The following SPG11 variants were observed in gnomAD, a reference collection of about 807,000 sequenced individuals.
SPG11 encodes SPG11 vesicle trafficking associated, spatacsin.
Under a neutral mutation model 274.0 loss-of-function variants are expected in SPG11, and 222 were observed. The ratio of observed to expected loss-of-function variants is 0.81; its 90% CI spans 0.73 to 0.91. The LOEUF is 0.91. SPG11 is among the 40% of genes least tolerant of loss of function. SPG11 has a pLI of 0.00. For missense variants in SPG11, 3,114 were observed against 2,872.7 expected (o/e 1.08, Z -1.92); for synonymous variants, 1,144 against 1,039.7 (o/e 1.10, Z -1.93).
intron 6 of SPG11, among the ~76,000 whole-genome samples, chr15:44,649,717 C>T (rs984575034): frequency 6.6e-6 from 1 of 151,904 alleles, no homozygotes; most frequent in Non-Finnish European, 1.5e-5. Flanking sequence ...CATGATGAAA[C>T]CCCGTCTCTA....
intron 7 of SPG11, among the ~76,000 whole-genome samples, chr15:44,639,320 CAG>C (rs747538002): frequency 6.6e-6 from 1 of 151,250 alleles, no homozygotes; most frequent in Non-Finnish European, 1.5e-5. Context: ...GATGGAGAGA[CAG>C]AGAGAGAGCG....
intron 30 of SPG11, among the ~76,000 whole-genome samples, chr15:44,582,068 T>C (rs1299365092): frequency 6.6e-6 from 1 of 152,156 alleles, no homozygotes; most frequent in East Asian, 1.9e-4. Context: ...GTTTAAGAAA[T>C]TGAATTTGTG....
chr15:44,565,948 A>C lies in SPG11; in HGVS notation c.6905T>G (p.Ile2302Ser). The C allele has an allele frequency of 6.2e-7, 1 of 1,614,030 alleles. No homozygotes were observed. Among genetic ancestry groups the C allele is most frequent in the Non-Finnish European group, 8.5e-7 (1 of 1,180,020 alleles). ...GTTCTGGCCAGTGTTCAGAAAGTGA[A>C]TCTGCAGAGTTATCAACTTGGTGAG... is the stretch of plus-strand genomic sequence containing the variant. The part of the protein sequence containing the change: ...QRLTKLITLQ[I>S]HFLNTGQNTM... The change falls in exon 38 of 40, where the codon ATT becomes AGT. Residue 2302 changes from isoleucine to serine, a missense_variant. Coordinates refer to ENST00000261866, the MANE Select transcript of SPG11 (RefSeq NM_025137.4).
chr15:44,657,935 G>A (rs1351021327), intron 3 of SPG11, among the ~76,000 whole-genome samples: 2 of 152,232 alleles, frequency 1.3e-5, no homozygotes, highest in Non-Finnish European at 2.9e-5. Context: ...GCTAAGGCAC[G>A]AGAATCGCTT....
chr15:44,594,250 C>A (rs2082975656), intron 26 of SPG11, among the ~76,000 whole-genome samples: 2 of 151,270 alleles, frequency 1.3e-5, no homozygotes, highest in African/African-American at 2.4e-5. Flanking sequence ...CATGGTGAAA[C>A]CCCGTCTCTA....
intron 28 of SPG11, among the ~76,000 whole-genome samples, chr15:44,587,023 G>T (rs1201024523): frequency 6.6e-6 from 1 of 152,164 alleles, no homozygotes; most frequent in African/African-American, 2.4e-5. Flanking sequence ...ATGTCCCTTG[G>T]AAAGTATTAG....
At chr15:44,589,541 TACTC>T (rs1192587585) in intron 27 of SPG11, 127 bp from the exon 28 acceptor site, 116 of 1,104,808 alleles carry the variant, frequency 1.0e-4, no homozygotes, top group Non-Finnish European at 1.6e-5. Flanking sequence ...ATGAGGCACT[TACTC>T]AGTTCCTTTC....
intron 30 of SPG11, among the ~76,000 whole-genome samples, chr15:44,582,565 A>G (rs936839304): frequency 2.2e-4 from 33 of 152,154 alleles, no homozygotes; most frequent in African/African-American, 7.7e-4. Flanking sequence ...AAAACAGTAC[A>G]ATAAAGAAAA....
intron 39 of SPG11, among the ~76,000 whole-genome samples, chr15:44,564,028 T>A (rs1595814339): frequency 1.3e-5 from 2 of 152,190 alleles, no homozygotes; most frequent in South Asian, 4.1e-4. Context: ...AGAGTCACAC[T>A]CTGTTGCCAG....
Position 44,606,099 on chromosome 15 carries a change from A to C in SPG11, c.3454-8T>G. 2 of 1,612,080 alleles carry C rather than the reference A, an allele frequency of 1.2e-6. No homozygotes were observed. Among genetic ancestry groups the C allele is most frequent in the Non-Finnish European group, 1.7e-6 (2 of 1,178,516 alleles). On this transcript the variant is annotated splice_polypyrimidine_tract_variant and splice_region_variant and intron_variant, in intron 19 of 39. Transcript: ENST00000261866. ...ATCAAAGGGTGATAATGACTGAAAAAGGGGAAAAGTTAAACAGAATTAGAA... is the reference window on the plus strand; with the variant it reads ...ATCAAAGGGTGATAATGACTGAAAACGGGGAAAAGTTAAACAGAATTAGAA...
At chr15:44,655,755 AG>A (rs1400312679) in intron 4 of SPG11, among the ~76,000 whole-genome samples, 1 of 152,168 alleles carries the variant, frequency 6.6e-6, no homozygotes, top group East Asian at 1.9e-4. Context: ...TTGATCGTGC[AG>A]GGGGTTGGCA....
At chr15:44,650,988 T>C (rs528751467) in intron 6 of SPG11, among the ~76,000 whole-genome samples, 98 of 152,320 alleles carry the variant, frequency 6.4e-4, no homozygotes, top group African/African-American at 2.3e-3. Context: ...CCTCAGGTTA[T>C]CCATCCACCT....
At chr15:44,661,305 T>C (rs539533309) in intron 1 of SPG11, among the ~76,000 whole-genome samples, 12 of 152,318 alleles carry the variant, frequency 7.9e-5, no homozygotes, top group African/African-American at 2.4e-4. Flanking sequence ...AGACTGATGG[T>C]GTTTCAGCTT....
intron 27 of SPG11, chr15:44,590,310 T>C (rs186740601): frequency 6.6e-6 from 1 of 152,326 alleles, no homozygotes; most frequent in East Asian, 1.9e-4. Context: ...AAAATATTAA[T>C]AGGAAGATGA....
chr15:44,610,297 C>A (rs183784608), intron 18 of SPG11, among the ~76,000 whole-genome samples: 29 of 152,112 alleles, frequency 1.9e-4, no homozygotes, highest in African/African-American at 6.8e-4. Context: ...AAGTGATCCA[C>A]CCACCCTGGC....
intron 20 of SPG11, among the ~76,000 whole-genome samples, chr15:44,602,370 G>A (rs2083215147): frequency 6.6e-6 from 1 of 152,012 alleles, no homozygotes; most frequent in Non-Finnish European, 1.5e-5. Context: ...CCTTTATAAT[G>A]TTGAGATGCA....
rs757724887 is a variant in SPG11, at chr15:44,564,527, A to T, written c.7151+20T>A. ...AGCAGAGGCAAGGAGCAATGTTTAC[A>T]GTCAACTTTTAATACTTACTTTTTG... On this transcript the variant is annotated intron_variant, in intron 39 of 39. Coordinates refer to ENST00000261866, the MANE Select transcript of SPG11 (RefSeq NM_025137.4). 1 of 1,612,142 alleles carries T rather than the reference A, an allele frequency of 6.2e-7. No homozygotes were observed. The highest frequency in any genetic ancestry group is 1.3e-5 in the African/African-American group (1 of 74,884).
chr15:44,620,934 G>A (rs139501821), intron 14 of SPG11: 2,241 of 156,710 alleles, frequency 0.014, 56 homozygotes, highest in East Asian at 0.097. Context: ...CAGGTGATTC[G>A]CCTGCCTCAG....
At position 44,573,538 on chromosome 15, in the gene SPG11, G is replaced by A. The variant is rs1415003941; in HGVS notation, c.6205+9C>T. ...CAGAGAGGTTGGGAATCCCCGGGGG[G>A]TAGGGCACCTGTTCCCTGTGATGAA... On this transcript the variant is annotated intron_variant, in intron 32 of 39. Transcript: ENST00000261866. 4 of 1,614,102 alleles carry A rather than the reference G, an allele frequency of 2.5e-6. No individual in the cohort carries two copies. Among genetic ancestry groups the A allele is most frequent in the African/African-American group, 2.7e-5 (2 of 75,042 alleles).
Sources: allele counts gnomAD v4.1 joint callset (sites outside exome capture counted in the v4.1 genomes callset), GRCh38; gene constraint gnomAD v4.1.1; transcripts MANE v1.5; gene names NCBI Gene and HGNC (gene_info 2026-07-23, HGNC 2026-07-21).